PEX16: variants seen among roughly 807,000 people sequenced by gnomAD.
PEX16 encodes the protein peroxisomal biogenesis factor 16, also known as peroxin 16.
A neutral mutation model predicts 50.5 loss-of-function variants in PEX16; 37 were observed. The ratio of observed to expected loss-of-function variants is 0.73; its 90% CI spans 0.56 to 0.96. PEX16 has a LOEUF of 0.96. PEX16 is among the 40% of genes least tolerant of loss of function. The pLI, the probability that PEX16 is intolerant of heterozygous loss-of-function variation, is 0.00. For synonymous variants in PEX16, 185 were observed against 190.3 expected (o/e 0.97, Z 0.23); for missense variants, 401 against 438.3 (o/e 0.91, Z 0.76).
In PEX16 at chr11:45,917,485, C is replaced by A. The variant is rs921969499; in HGVS notation, c.121G>T (p.Ala41Ser). ...GFSYLLAGRF[A>S]DSHELSELVY... The stretch of plus-strand genomic sequence containing the variant: ...AGCTCTGACAGCTCGTGCGAATCGG[C>A]GAATCGACCTGGGGAGAGGGTACAG... The change falls in exon 2 of 11, where the codon GCC becomes TCC. Residue 41 changes from alanine (A) to serine (S), a missense_variant. Coordinates refer to ENST00000378750, the MANE Select transcript of PEX16 (RefSeq NM_004813.4). 2 of 1,613,894 alleles carry A rather than the reference C, an allele frequency of 1.2e-6. No individual in the cohort carries two copies. Among genetic ancestry groups the A allele is most frequent in the African/African-American group, 2.7e-5 (2 of 74,912 alleles).
chr11:45,917,412 G>A, intron 2 of PEX16, 46 bp downstream of exon 2: 3 of 1,594,934 alleles, frequency 1.9e-6, no homozygotes, highest in South Asian at 1.1e-5. Flanking sequence ...CTCACCAGGG[G>A]CCAGGCAGCC....
chr11:45,918,338 A>G, upstream of PEX16: 1 of 216,102 alleles, frequency 4.6e-6, no homozygotes, highest in South Asian at 6.0e-5. Flanking sequence ...GGGCGTCTAA[A>G]TACAGTTGCA....
At chr11:45,917,025 T>A (rs2086843293) in intron 2 of PEX16, 1 of 479,992 alleles carries the variant, frequency 2.1e-6, no homozygotes, top group Admixed American at 2.3e-5. Flanking sequence ...CAGCAGTCAC[T>A]GGGCAAACAC....
Position 45,914,626 on chromosome 11 carries a change from C to G in PEX16, c.519G>C (p.Arg173=). The G allele has an allele frequency of 6.2e-7, 1 of 1,614,202 alleles. No homozygotes were observed. Among genetic ancestry groups the G allele is most frequent in the Non-Finnish European group, 8.5e-7 (1 of 1,180,032 alleles). The part of the protein sequence containing the change: ...EQSYVGKRSN[R]VVRTLQNTPS... ...TACTGTTCTGGAGGGTTCGCACCAC[C>G]CGGTTTGACCGCTTCCCCACGTAGG... Residue 173 remains arginine, a synonymous_variant, in exon 6 of 11, where the codon CGG becomes CGC. Coordinates refer to ENST00000378750, the MANE Select transcript of PEX16 (RefSeq NM_004813.4).
Position 45,917,611 on chromosome 11 carries a change from G to A in PEX16, c.112+89C>T, listed in dbSNP as rs755948807. 26 of 1,493,354 alleles carry A rather than the reference G, an allele frequency of 1.7e-5. No individual in the cohort carries two copies. The Middle Eastern group carries it at 5.1e-4, about 29-fold the overall frequency. 92.5% of individuals were successfully genotyped at this position (1,493,354 alleles called of 1,614,324 possible). ...ACCTGGACGGGTCTTCTCAAGCACA[G>A]CGATCACTACCCTGACTCCGCAGGG... On this transcript the variant is annotated intron_variant, in intron 1 of 10. Transcript: ENST00000378750.
At chr11:45,915,962 G>A (rs1441587057) in intron 3 of PEX16, 126 bp from the exon 4 acceptor site, 3 of 987,234 alleles carry the variant, frequency 3.0e-6, no homozygotes, top group South Asian at 1.3e-5. Flanking sequence ...TAACTGTGCA[G>A]GTGTGAGTTC....
chr11:45,917,547 C>T (rs1211882990), intron 1 of PEX16, 54 bp from the exon 2 acceptor site: 9 of 1,605,390 alleles, frequency 5.6e-6, no homozygotes, highest in Admixed American at 1.7e-5. Flanking sequence ...CACATTTCGT[C>T]TTCGGGTCCC....
chr11:45,910,815 G>T, intron 10 of PEX16, 83 bp downstream of exon 10: 1 of 1,223,256 alleles, frequency 8.2e-7, no homozygotes, highest in Non-Finnish European at 1.2e-6. Context: ...GAATCAAATT[G>T]CAAGGAGACA....
At chr11:45,917,417 G>A (rs1251727971) in intron 2 of PEX16, 41 bp downstream of exon 2, 5 of 1,602,950 alleles carry the variant, frequency 3.1e-6, no homozygotes, top group Non-Finnish European at 4.3e-6. Context: ...CAGGGGCCAG[G>A]CAGCCGATCC....
In PEX16 at chr11:45,915,363, G is replaced by A. The variant is rs1467683022; in HGVS notation, c.460+105C>T. ...TGAGAACACATAGTTGATAGGGACA[G>A]GCGTGCTCCATAAACAGATACTACT... On this transcript the variant is annotated intron_variant, in intron 5 of 10. Transcript: ENST00000378750. The A allele has an allele frequency of 8.6e-6, 7 of 816,568 alleles. No homozygotes were observed. In the East Asian group the frequency reaches 1.5e-4, roughly 17 times the overall value. 50.6% of individuals were successfully genotyped at this position (816,568 alleles called of 1,614,324 possible). A position where few individuals can be genotyped will look rare whatever the true frequency, so the allele number is the denominator to read the frequency against.
At chr11:45,916,388 G>C in intron 2 of PEX16, 85 bp from the exon 3 acceptor site, 1 of 1,067,100 alleles carries the variant, frequency 9.4e-7, no homozygotes, top group Non-Finnish European at 1.4e-6. Context: ...GGGATCACCT[G>C]TCACATGCTC....
chr11:45,917,235 G>C, intron 2 of PEX16: 1 of 692,058 alleles, frequency 1.4e-6, no homozygotes, highest in Non-Finnish European at 2.6e-6. Context: ...TCCAGCGCCT[G>C]GCCAGTAGTG....
intron 9 of PEX16, among the ~76,000 whole-genome samples, chr11:45,913,105 G>A (rs965466016): frequency 1.1e-4 from 17 of 152,060 alleles, no homozygotes; most frequent in African/African-American, 3.9e-4. Flanking sequence ...TTATAGGTGT[G>A]AGCCACTGCT....
At position 45,909,878 on chromosome 11, in the gene PEX16, C is replaced by A. The variant is rs143868125; in HGVS notation, c.*376G>T. 3.3e-6 allele frequency: 2 copies of A among 597,098 alleles called. No homozygotes were observed. The highest frequency in any genetic ancestry group is 6.0e-6 in the Non-Finnish European group (2 of 332,694). 37.0% of individuals were successfully genotyped at this position (597,098 alleles called of 1,614,324 possible). A position where few individuals can be genotyped will look rare whatever the true frequency, so the allele number is the denominator to read the frequency against. ...CGCTGGGCAGCGTTCAGCCATCACCCGGGTTCAGGCTTCCTGTCCTCACCA... is the reference window on the plus strand; with the variant it reads ...CGCTGGGCAGCGTTCAGCCATCACCAGGGTTCAGGCTTCCTGTCCTCACCA... On this transcript the variant is annotated 3_prime_UTR_variant, in exon 11 of 11. Coordinates refer to ENST00000378750, the MANE Select transcript of PEX16 (RefSeq NM_004813.4).
In PEX16 at chr11:45,910,182, C is replaced by A; in HGVS notation, c.*72G>T. ...GAGAGGCCGCACGCTGGGACGCTGC[C>A]GGAGTCAGTTTTATTAGGGAAGAGG... On this transcript the variant is annotated 3_prime_UTR_variant, in exon 11 of 11. Transcript: ENST00000378750. The A allele has an allele frequency of 6.2e-7, 1 of 1,612,472 alleles. No individual in the cohort carries two copies. The highest frequency in any genetic ancestry group is 8.5e-7 in the Non-Finnish European group (1 of 1,179,932).
chr11:45,913,957 A>G lies in PEX16; in HGVS notation c.768-19T>C. The G allele has an allele frequency of 1.9e-6, 3 of 1,611,242 alleles. No individual in the cohort carries two copies. The highest frequency in any genetic ancestry group is 2.5e-6 in the Non-Finnish European group (3 of 1,179,878). On this transcript the variant is annotated intron_variant, in intron 8 of 10. Coordinates refer to ENST00000378750, the MANE Select transcript of PEX16 (RefSeq NM_004813.4). ...GCTCAGGCTGGGAGGCAGGGAGGACATGGTCAGGGCCAGGGGCATGATCTA... is the reference window on the plus strand; with the variant it reads ...GCTCAGGCTGGGAGGCAGGGAGGACGTGGTCAGGGCCAGGGGCATGATCTA...
At position 45,914,136 on chromosome 11, in the gene PEX16, C is replaced by A; in HGVS notation, c.762G>T (p.Val254=). 6.3e-7 allele frequency: 1 copy of A among 1,599,610 alleles called. No individual in the cohort carries two copies. The highest frequency in any genetic ancestry group is 1.1e-5 in the South Asian group (1 of 89,364). ...CCAGGCAGGCCCAGGCTCACCTGGT[C>A]ACGTCCACAACACCAGCCAAGAGCC... ...KPWLLAGVVD[V]TSLSLLSDRK... The change falls in exon 8 of 11, where the codon GTG becomes GTT. Residue 254 remains valine (V), a synonymous_variant. Coordinates refer to ENST00000378750, the MANE Select transcript of PEX16 (RefSeq NM_004813.4).
intron 4 of PEX16, 44 bp downstream of exon 4, chr11:45,915,659 C>G (rs1222561605): frequency 6.2e-7 from 1 of 1,613,086 alleles, no homozygotes; most frequent in South Asian, 1.1e-5. Flanking sequence ...TGTAGCTAGC[C>G]TGCGTCACCC....
At chr11:45,918,531 GC>G (rs1348310973), upstream of PEX16, 1 of 152,376 alleles carries the variant, frequency 6.6e-6, no homozygotes, top group Non-Finnish European at 1.5e-5. Context: ...CCCCCAAAGG[GC>G]TCGCGCCTGC....
Sources: gnomAD v4.1 joint callset for allele counts (sites outside exome capture counted in the v4.1 genomes callset) on GRCh38, gnomAD v4.1.1 for gene constraint, MANE v1.5 for transcripts, NCBI Gene and HGNC (gene_info 2026-07-23, HGNC 2026-07-21) for gene names.